The following PRKCSH variants were observed in gnomAD, a reference collection of about 807,000 sequenced individuals.
PRKCSH encodes glucosidase 2 subunit beta.
In PRKCSH, 42 loss-of-function variants were observed where a neutral mutation model predicts 79.7. The ratio of observed to expected loss-of-function variants is 0.53; its 90% CI spans 0.41 to 0.68. The LOEUF is 0.68. PRKCSH is among the 30% of genes least tolerant of loss of function. PRKCSH has a pLI of 0.00. For synonymous variants in PRKCSH, 325 were observed against 288.2 expected (o/e 1.13, Z -1.29); for missense variants, 686 against 709.0 (o/e 0.97, Z 0.37).
At position 11,436,427 on chromosome 19, in the gene PRKCSH, C is replaced by G. The variant is rs1034713294; in HGVS notation, c.118C>G (p.Leu40Val). ...CGATGAGTCCAAGCCTTTCACCTGC[C>G]TGGACGGTTCGGCCACCATCCCATT... ...FYDESKPFTC[L>V]DGSATIPFDQ... Residue 40 changes from leucine to valine, a missense_variant, in exon 3 of 18, where the codon CTG becomes GTG. This residue lies in a region of PRKCSH where 549 missense variants were observed against 520.2 expected (regional missense o/e 1.06). Coordinates refer to ENST00000677123, the MANE Select transcript of PRKCSH (RefSeq NM_001289104.2). The G allele has an allele frequency of 1.2e-6, 2 of 1,614,190 alleles. No individual in the cohort carries two copies. The highest frequency in any genetic ancestry group is 1.7e-6 in the Non-Finnish European group (2 of 1,180,032).
Position 11,448,896 on chromosome 19 carries a change from T to C in PRKCSH, c.1287-18T>C, listed in dbSNP as rs773836182. 3.1e-6 allele frequency: 5 copies of C among 1,614,046 alleles called. No homozygotes were observed. The South Asian group carries it at 5.5e-5, about 18-fold the overall frequency. ...GAATCCCTGCGTTCCCCAACCCATA[T>C]GTCCCGGTCCTCCACAGATACGTCT... On this transcript the variant is annotated intron_variant, in intron 14 of 17. Coordinates refer to ENST00000677123, the MANE Select transcript of PRKCSH (RefSeq NM_001289104.2). The surrounding 1 kb of genome is among the most constrained non-coding windows in gnomAD (Gnocchi z 4.4).
intron 5 of PRKCSH, 42 bp from the exon 6 acceptor site, chr19:11,441,198 T>G: frequency 4.4e-6 from 7 of 1,596,984 alleles, no homozygotes; most frequent in Non-Finnish European, 6.0e-6. Context: ...TGGTGGATCC[T>G]AAGTGCCCCA....
intron 6 of PRKCSH, among the ~76,000 whole-genome samples, chr19:11,441,974 T>G (rs1161347854): frequency 6.6e-6 from 1 of 152,232 alleles, no homozygotes; most frequent in Admixed American, 6.5e-5. Context: ...CAAGGAAGGC[T>G]TCTTGGAGGA....
chr19:11,438,003 G>C, intron 4 of PRKCSH, 32 bp downstream of exon 4: 1 of 1,613,920 alleles, frequency 6.2e-7, no homozygotes, highest in Non-Finnish European at 8.5e-7. Context: ...TTCTGGAAAG[G>C]TGGTAGAGGG....
chr19:11,447,725 G>A lies in PRKCSH; in HGVS notation c.1062G>A (p.Pro354=), dbSNP rs1247151416. ...EAPPPLSPPQ[P]ASPAEEDKMP... ...CACCGCCACTGTCACCCCCGCAGCC[G>A]GCCAGCCCTGCTGAGGAAGACAAAA... The change falls in exon 12 of 18, where the codon CCG becomes CCA. Residue 354 remains proline (P), a synonymous_variant. Transcript: ENST00000677123. The surrounding 1 kb of genome is among the most constrained non-coding windows in gnomAD (Gnocchi z 5.6). The A allele has an allele frequency of 9.4e-6, 15 of 1,592,582 alleles. No individual in the cohort carries two copies. Among genetic ancestry groups the A allele is most frequent in the African/African-American group, 4.0e-5 (3 of 74,624 alleles).
At position 11,447,091 on chromosome 19, in the gene PRKCSH, C is replaced by T; in HGVS notation, c.780C>T (p.Asp260=). The stretch of plus-strand genomic sequence containing the variant: ...ACACACAGGCCCTCCTCAGTGGGGA[C>T]ACACAGACAGACGCCACCTCTTTCT... ...EAEAQALLSG[D]TQTDATSFYD... is the part of the protein sequence containing the mutation. The change falls in exon 10 of 18, where the codon GAC becomes GAT. Residue 260 remains aspartate (D), a synonymous_variant. Transcript: ENST00000677123. The surrounding 1 kb of genome is among the most constrained non-coding windows in gnomAD (Gnocchi z 5.6). 6.2e-7 allele frequency: 1 copy of T among 1,614,010 alleles called. No individual in the cohort carries two copies. Among genetic ancestry groups the T allele is most frequent in the African/African-American group, 1.3e-5 (1 of 75,038 alleles).
At position 11,446,458 on chromosome 19, in the gene PRKCSH, C is replaced by G; in HGVS notation, c.762+108C>G. ...AAAGCTCCTTGCTGGCCTGGGATGCCTCCTCTGGGTGAGCTGGGATGGCAG... is the reference window on the plus strand; with the variant it reads ...AAAGCTCCTTGCTGGCCTGGGATGCGTCCTCTGGGTGAGCTGGGATGGCAG... On this transcript the variant is annotated intron_variant, in intron 9 of 17. Transcript: ENST00000677123. 5 of 1,317,664 alleles carry G rather than the reference C, an allele frequency of 3.8e-6. No individual in the cohort carries two copies. In the South Asian group the frequency reaches 6.4e-5, roughly 17 times the overall value. 81.6% of individuals were successfully genotyped at this position (1,317,664 alleles called of 1,614,324 possible). A position where few individuals can be genotyped will look rare whatever the true frequency, so the allele number is the denominator to read the frequency against.
In PRKCSH at chr19:11,447,341, G is replaced by T. The variant is rs565724682; in HGVS notation, c.850-98G>T. On this transcript the variant is annotated intron_variant, in intron 10 of 17. Transcript: ENST00000677123. The surrounding 1 kb of genome is among the most constrained non-coding windows in gnomAD (Gnocchi z 5.6). Reference sequence around the variant, plus strand: ...TCCTCCCTGCAGGCCCCGCAGGAGGGGCAGAGACACCGAGGCTGCCCCTTG... The same window carrying T: ...TCCTCCCTGCAGGCCCCGCAGGAGGTGCAGAGACACCGAGGCTGCCCCTTG... 6 of 1,429,024 alleles carry T rather than the reference G, an allele frequency of 4.2e-6. No individual in the cohort carries two copies. The South Asian group carries it at 7.2e-5, about 17-fold the overall frequency. The allele number at this position is 1,429,024 out of a possible 1,614,324, so 88.5% of individuals were successfully genotyped here. A position where few individuals can be genotyped will look rare whatever the true frequency, so the allele number is the denominator to read the frequency against.
intron 9 of PRKCSH, 139 bp from the exon 10 acceptor site, chr19:11,446,935 C>A: frequency 1.2e-6 from 1 of 855,116 alleles, no homozygotes; most frequent in Non-Finnish European, 2.0e-6. Flanking sequence ...CGCAGTGCCT[C>A]ACTGGCGTGG....
chr19:11,446,901 G>A (rs1970331469), intron 9 of PRKCSH, among the ~76,000 whole-genome samples, 173 bp from the exon 10 acceptor site: 1 of 151,960 alleles, frequency 6.6e-6, no homozygotes, highest in African/African-American at 2.4e-5. Flanking sequence ...CCCCTCCCAC[G>A]GGCCTGTGCT....
chr19:11,438,042 A>G (rs1166560737), intron 4 of PRKCSH, 25 bp from the exon 5 acceptor site: 2 of 1,613,998 alleles, frequency 1.2e-6, no homozygotes, highest in African/African-American at 2.7e-5. Flanking sequence ...GCCAGGTCTG[A>G]TCTTGGCTTC....
intron 5 of PRKCSH, among the ~76,000 whole-genome samples, chr19:11,440,465 G>T (rs1970010909): frequency 1.4e-5 from 2 of 147,274 alleles, no homozygotes; most frequent in Non-Finnish European, 3.0e-5. Context: ...ACTTTTTTTT[G>T]AGTTAGAGTC....
At chr19:11,450,194 C>T (rs2144860530) in intron 17 of PRKCSH, among the ~76,000 whole-genome samples, 1 of 151,514 alleles carries the variant, frequency 6.6e-6, no homozygotes, top group African/African-American at 2.4e-5. Flanking sequence ...CTAAATAGGC[C>T]AGGCGTCGTG....
At position 11,448,350 on chromosome 19, in the gene PRKCSH, G is replaced by C. The variant is rs1484050374; in HGVS notation, c.1196+59G>C. The C allele has an allele frequency of 2.6e-6, 4 of 1,542,612 alleles. No individual in the cohort carries two copies. Among genetic ancestry groups the C allele is most frequent in the Admixed American group, 3.9e-5 (2 of 51,276 alleles). On this transcript the variant is annotated intron_variant, in intron 13 of 17. Coordinates refer to ENST00000677123, the MANE Select transcript of PRKCSH (RefSeq NM_001289104.2). This position sits in a 1 kb window ranked among gnomAD's most constrained non-coding sequence, Gnocchi z 4.4. ...CACAGCGACTGCTCCTTGACTCCCA[G>C]GGGAGCTGGTGATGGGGAATCACTG...
rs751176967 is a variant in PRKCSH at position 11,447,201 on chromosome 19, C to T, written c.849+41C>T. On this transcript the variant is annotated intron_variant, in intron 10 of 17. Transcript: ENST00000677123. The surrounding 1 kb of genome is among the most constrained non-coding windows in gnomAD (Gnocchi z 5.6). ...GGGAGGGGACTTGGTCCTCCCACCA[C>T]ACTGCCCCCACCCCGCCTCACAAAG... 1.9e-6 allele frequency: 3 copies of T among 1,593,306 alleles called. No individual in the cohort carries two copies. In the Admixed American group the frequency reaches 5.0e-5, roughly 27 times the overall value.
At chr19:11,442,877 TATTTTTAGTAG>T (rs1970127316) in intron 7 of PRKCSH, among the ~76,000 whole-genome samples, 1 of 152,080 alleles carries the variant, frequency 6.6e-6, no homozygotes, top group African/African-American at 2.4e-5. Flanking sequence ...AATTGTTTTG[TATTTTTAGTAG>T]AGACGGGGTT....
intron 3 of PRKCSH, chr19:11,436,872 T>C: frequency 3.0e-6 from 1 of 338,482 alleles, no homozygotes; most frequent in Non-Finnish European, 5.8e-6. Context: ...TTGTGTGTTT[T>C]GAAGAGACAG....
At chr19:11,445,839 G>A in intron 8 of PRKCSH, 2 of 447,376 alleles carry the variant, frequency 4.5e-6, no homozygotes, top group Non-Finnish European at 8.3e-6. Flanking sequence ...CTGGTGGAGG[G>A]TGGACTTTTG....
chr19:11,435,826 G>T, intron 1 of PRKCSH, 120 bp downstream of exon 1: 1 of 1,349,180 alleles, frequency 7.4e-7, no homozygotes, highest in Non-Finnish European at 9.9e-7. Context: ...GGCGGGAATT[G>T]GGTCACAATT....
Sources: gnomAD v4.1 joint callset for allele counts (sites outside exome capture counted in the v4.1 genomes callset) on GRCh38, gnomAD v4.1.1 for gene constraint, gnomAD v4.1.1 regional missense constraint, Gnocchi (gnomAD v3.1) non-coding constraint, MANE v1.5 for transcripts, NCBI Gene and HGNC (gene_info 2026-07-23, HGNC 2026-07-21) for gene names.